ASAP2: variants seen among roughly 807,000 people sequenced by gnomAD.
ASAP2 encodes ArfGAP with SH3 domain, ankyrin repeat and PH domain 2.
A neutral mutation model predicts 131.4 loss-of-function variants in ASAP2; 45 were observed. The observed-to-expected ratio is 0.34, with a 90% CI of 0.27 to 0.44. The LOEUF is 0.44. ASAP2 is among the 20% of genes least tolerant of loss of function. The pLI is 1.00. For synonymous variants in ASAP2, 510 were observed against 503.0 expected (o/e 1.01, Z -0.19); for missense variants, 1,011 against 1,297.0 (o/e 0.78, Z 3.39).
intron 3 of ASAP2, among the ~76,000 whole-genome samples, chr2:9,305,582 T>C (rs1388490202): frequency 2.3e-5 from 3 of 128,126 alleles, no homozygotes; most frequent in Non-Finnish European, 3.2e-5. Flanking sequence ...TAGTGAGGTA[T>C]AGATATTGGA....
At chr2:9,333,675 A>T (rs1670989353) in intron 7 of ASAP2, among the ~76,000 whole-genome samples, 3 of 152,172 alleles carry the variant, frequency 2.0e-5, no homozygotes. Flanking sequence ...AATGGTGTGG[A>T]TTGAGGCTGG....
At chr2:9,388,205 CAGTG>C (rs1675438194) in intron 21 of ASAP2, 85 bp from the exon 22 acceptor site, 1 of 1,531,360 alleles carries the variant, frequency 6.5e-7, no homozygotes, top group Admixed American at 2.0e-5. Context: ...GAGTTGGTGT[CAGTG>C]AGGTTTTCAC....
intron 15 of ASAP2, 81 bp downstream of exon 15, chr2:9,358,970 T>A: frequency 6.7e-7 from 1 of 1,500,618 alleles, no homozygotes. Flanking sequence ...TAATCCATTT[T>A]GGTAAGCTAG....
chr2:9,314,203 C>T (rs1003852252), intron 3 of ASAP2, among the ~76,000 whole-genome samples: 10 of 152,072 alleles, frequency 6.6e-5, no homozygotes, highest in East Asian at 5.8e-4. Flanking sequence ...AGGCTGGTCT[C>T]GAACTCCTGA....
At chr2:9,382,172 CG>C (rs1461369424) in intron 20 of ASAP2, among the ~76,000 whole-genome samples, 2 of 152,160 alleles carry the variant, frequency 1.3e-5, no homozygotes, top group Non-Finnish European at 2.9e-5. Context: ...TTAATAGAGA[CG>C]GGGTTTCACC....
rs140780364 is a variant in ASAP2 at position 9,332,582 on chromosome 2, C to T, written c.687-2156C>T. ...AGTCTCTGAGCACTTGATTCCACTA[C>T]GGGGCTCATGCTCACGCGCTCTCAC... On this transcript the variant is annotated intron_variant, in intron 7 of 27. Coordinates refer to ENST00000281419, the MANE Select transcript of ASAP2 (RefSeq NM_003887.3). Among the ~76,000 whole-genome samples, 13 of 152,336 alleles carry T rather than the reference C, an allele frequency of 8.5e-5. No individual in the cohort carries two copies. In the South Asian group the frequency reaches 1.0e-3, roughly 12 times the overall value.
rs926680992 is a variant in ASAP2 at position 9,244,603 on chromosome 2, C to T, written c.127-34714C>T. On this transcript the variant is annotated intron_variant, in intron 1 of 27. Coordinates refer to ENST00000281419, the MANE Select transcript of ASAP2 (RefSeq NM_003887.3). ...TACCAAACTTAGTTCAGAAGCACTT[C>T]GCATTAAGCTCCTGTGCCTCAGTGG... Among the ~76,000 whole-genome samples, 7 of 152,164 alleles carry T rather than the reference C, an allele frequency of 4.6e-5. No individual in the cohort carries two copies. In the East Asian group the frequency reaches 7.7e-4, roughly 17 times the overall value.
At chr2:9,350,130 G>C (rs1174351400) in intron 11 of ASAP2, among the ~76,000 whole-genome samples, 1 of 151,708 alleles carries the variant, frequency 6.6e-6, no homozygotes, top group East Asian at 1.9e-4. Context: ...TCTTTTTTTT[G>C]AAACTGTAAT....
At chr2:9,387,078 T>G (rs4668618) in intron 21 of ASAP2, among the ~76,000 whole-genome samples, 78,354 of 139,978 alleles carry the variant, frequency 0.56, 22,555 homozygotes, top group Non-Finnish European at 0.62. Flanking sequence ...TGGTGGTGGG[T>G]GGGGGGGCGC....
chr2:9,284,909 T>C (rs768505400), intron 2 of ASAP2, among the ~76,000 whole-genome samples: 2 of 152,186 alleles, frequency 1.3e-5, no homozygotes, highest in Non-Finnish European at 2.9e-5. Context: ...AGATTTAAGA[T>C]GCCTTACAAT....
intron 2 of ASAP2, among the ~76,000 whole-genome samples, chr2:9,286,445 A>ATATATATATATATAT (rs199918521): frequency 5.2e-4 from 51 of 98,630 alleles, no homozygotes; most frequent in African/African-American, 1.8e-3. Context: ...AGGAAAAAAA[A>ATATATATATATATAT]AAATATATAT....
At chr2:9,320,411 A>G in intron 5 of ASAP2, 74 bp downstream of exon 5, 1 of 1,116,092 alleles carries the variant, frequency 9.0e-7, no homozygotes, top group Non-Finnish European at 1.3e-6. Flanking sequence ...CGTATTGCTT[A>G]AAGGGATTGT....
intron 9 of ASAP2, among the ~76,000 whole-genome samples, chr2:9,341,743 A>G (rs925669169): frequency 6.6e-6 from 1 of 152,148 alleles, no homozygotes; most frequent in African/African-American, 2.4e-5. Flanking sequence ...GTTCTCAGCA[A>G]CGTTGAAAGC....
At chr2:9,322,542 A>T (rs1194372025) in intron 5 of ASAP2, among the ~76,000 whole-genome samples, 2 of 151,320 alleles carry the variant, frequency 1.3e-5, no homozygotes, top group Non-Finnish European at 2.9e-5. Flanking sequence ...TCTTCTTTGG[A>T]TGTGCTCATT....
intron 1 of ASAP2, among the ~76,000 whole-genome samples, chr2:9,244,983 C>T (rs1558261740): frequency 1.3e-5 from 2 of 152,082 alleles, no homozygotes; most frequent in African/African-American, 2.4e-5. Flanking sequence ...TGCTTTTAGC[C>T]AGCACTACTT....
At chr2:9,283,297 C>T (rs947797136) in intron 2 of ASAP2, among the ~76,000 whole-genome samples, 12 of 152,280 alleles carry the variant, frequency 7.9e-5, no homozygotes, top group South Asian at 2.1e-4. Flanking sequence ...AGGCTGATCT[C>T]GAGCTTCTGA....
intron 1 of ASAP2, among the ~76,000 whole-genome samples, chr2:9,236,248 G>C (rs980804678): frequency 2.6e-5 from 4 of 152,048 alleles, no homozygotes; most frequent in African/African-American, 9.7e-5. Context: ...AGTTGACCTG[G>C]ATGTTTCATA....
chr2:9,265,835 C>T (rs936743976), intron 1 of ASAP2, among the ~76,000 whole-genome samples: 10 of 152,176 alleles, frequency 6.6e-5, no homozygotes, highest in Non-Finnish European at 4.4e-5. Flanking sequence ...TGCAATGGCA[C>T]GATCTTGACT....
chr2:9,374,084 T>C (rs1365583788), intron 16 of ASAP2, among the ~76,000 whole-genome samples: 9 of 151,926 alleles, frequency 5.9e-5, no homozygotes, highest in Non-Finnish European at 1.2e-4. Flanking sequence ...GTGGTGGGAG[T>C]GGGATTTGAA....
Sources: allele counts gnomAD v4.1 joint callset (sites outside exome capture counted in the v4.1 genomes callset), GRCh38; gene constraint gnomAD v4.1.1; transcripts MANE v1.5; gene names NCBI Gene and HGNC (gene_info 2026-07-23, HGNC 2026-07-21).